Variants in ZNF532 observed in about 807,000 individuals in gnomAD.
The protein encoded by ZNF532 is zinc finger protein 532.
ZNF532 carries 22 observed loss-of-function variants against 89.3 expected under a neutral mutation model. The ratio of observed to expected loss-of-function variants is 0.25; its 90% CI spans 0.18 to 0.35. The LOEUF is 0.35. Ranked by LOEUF, ZNF532 falls within the 10% of genes least tolerant of loss-of-function variation. The probability of loss-of-function intolerance (pLI) is 1.00; values close to 1 mark genes in which losing one functional copy is unlikely to be tolerated. For synonymous variants in ZNF532, 606 were observed against 649.6 expected (o/e 0.93, Z 1.02); for missense variants, 1,132 against 1,643.4 (o/e 0.69, Z 5.38).
chr18:58,906,498 G>A (rs1267533637), intron 2 of ZNF532, among the ~76,000 whole-genome samples: 1 of 152,060 alleles, frequency 6.6e-6, no homozygotes, highest in African/African-American at 2.4e-5. Context: ...ATTGGTAGGT[G>A]CATTTCCTGC....
At chr18:58,965,099 A>T (rs1315311828) in intron 7 of ZNF532, among the ~76,000 whole-genome samples, 1 of 151,832 alleles carries the variant, frequency 6.6e-6, no homozygotes, top group African/African-American at 2.4e-5. Context: ...TAGTTTTCTG[A>T]AGTCCTCCAC....
chr18:58,979,411 G>A (rs992972777), intron 8 of ZNF532: 21 of 234,768 alleles, frequency 8.9e-5, no homozygotes, highest in Non-Finnish European at 6.7e-5. Context: ...TTCCCGAGAC[G>A]GAGTCTCACT....
chr18:58,981,671 C>T (rs1245952695), intron 9 of ZNF532, 54 bp downstream of exon 9: 4 of 1,601,576 alleles, frequency 2.5e-6, no homozygotes. Flanking sequence ...CTTGCTTTTC[C>T]CATTCATTTT....
intron 9 of ZNF532, among the ~76,000 whole-genome samples, chr18:58,982,303 T>C (rs2067888798): frequency 6.6e-6 from 1 of 151,836 alleles, no homozygotes; most frequent in Non-Finnish European, 1.5e-5. Context: ...GGACTTTTTT[T>C]GTTTTTTTGA....
chr18:58,885,570 T>C (rs1602623833), intron 2 of ZNF532, among the ~76,000 whole-genome samples: 1 of 152,232 alleles, frequency 6.6e-6, no homozygotes, highest in Admixed American at 6.5e-5. Flanking sequence ...AAGAATACAG[T>C]TGGACTGGGC....
intron 2 of ZNF532, among the ~76,000 whole-genome samples, chr18:58,888,715 ATATATATAT>A (rs1420562296): frequency 0.014 from 665 of 46,698 alleles, 26 homozygotes; most frequent in Admixed American, 0.02. Context: ...ATATATATAT[ATATATATAT>A]AAATTATATA....
At chr18:58,977,572 A>G (rs908524525) in intron 7 of ZNF532, 2 of 152,258 alleles carry the variant, frequency 1.3e-5, no homozygotes, top group African/African-American at 4.8e-5. Context: ...CAGTCTGGGC[A>G]TGGTGGCTCA....
In ZNF532 at chr18:58,867,760, C is replaced by G. The variant is rs528055417; in HGVS notation, c.-18+2181C>G. ...AAGAAAGTGTAACTGGGTGTTGAAC[C>G]CTTCTTGTTTTTATCCTTTGCCTAT... On this transcript the variant is annotated intron_variant, in intron 2 of 9. Transcript: ENST00000591808. Among the ~76,000 whole-genome samples the G allele has an allele frequency of 3.1e-3, 469 of 152,260 alleles. 3 individuals carry two copies. Among genetic ancestry groups the G allele is most frequent in the African/African-American group, 0.011 (444 of 41,542 alleles).
At chr18:58,888,256 A>G (rs1161842228) in intron 2 of ZNF532, among the ~76,000 whole-genome samples, 1 of 152,224 alleles carries the variant, frequency 6.6e-6, no homozygotes, top group Non-Finnish European at 1.5e-5. Flanking sequence ...GCAAACTGCA[A>G]ATCAGTCAAA....
intron 3 of ZNF532, among the ~76,000 whole-genome samples, chr18:58,929,524 T>C (rs1322149464): frequency 6.6e-6 from 1 of 152,362 alleles, no homozygotes; most frequent in South Asian, 2.1e-4. Context: ...TTGGTCCTGC[T>C]CTTCTAAGTG....
At chr18:58,958,518 C>G (rs1374889105) in intron 7 of ZNF532, among the ~76,000 whole-genome samples, 1 of 152,110 alleles carries the variant, frequency 6.6e-6, no homozygotes, top group Non-Finnish European at 1.5e-5. Context: ...TTTTAGCTGT[C>G]CTTGTAAATG....
chr18:58,912,584 G>A (rs1243968087), intron 2 of ZNF532, among the ~76,000 whole-genome samples: 1 of 152,124 alleles, frequency 6.6e-6, no homozygotes, highest in Non-Finnish European at 1.5e-5. Context: ...CCCTGTGGCC[G>A]GGGAGGAACC....
upstream of ZNF532, chr18:58,863,649 C>A (rs2056167719): frequency 7.2e-6 from 1 of 138,318 alleles, no homozygotes; most frequent in Non-Finnish European, 1.6e-5. Flanking sequence ...CAGCAGCAGC[C>A]ACAGCAGCAG....
chr18:58,951,970 G>A (rs1161598814), intron 6 of ZNF532, among the ~76,000 whole-genome samples: 1 of 152,142 alleles, frequency 6.6e-6, no homozygotes, highest in Non-Finnish European at 1.5e-5. Context: ...CCTTTTATGG[G>A]CCACTTTCAC....
At chr18:58,892,824 G>A (rs2058993093) in intron 2 of ZNF532, among the ~76,000 whole-genome samples, 1 of 152,184 alleles carries the variant, frequency 6.6e-6, no homozygotes, top group South Asian at 2.1e-4. Flanking sequence ...TCATACAAGA[G>A]AATTCAGTTT....
At chr18:58,884,020 T>C (rs2058107526) in intron 2 of ZNF532, among the ~76,000 whole-genome samples, 1 of 143,236 alleles carries the variant, frequency 7.0e-6, no homozygotes, top group Non-Finnish European at 1.5e-5. Flanking sequence ...CTCTTCCATG[T>C]TTTCTAATGC....
intron 9 of ZNF532, among the ~76,000 whole-genome samples, chr18:58,982,975 C>G (rs988010805): frequency 6.6e-6 from 1 of 151,944 alleles, no homozygotes; most frequent in Non-Finnish European, 1.5e-5. Flanking sequence ...AGCTGGACAT[C>G]GTGGTGCACA....
At position 58,920,208 on chromosome 18, in the gene ZNF532, C is replaced by T. The variant is rs1260972293; in HGVS notation, c.1921C>T (p.Arg641Cys). 18 of 1,613,458 alleles carry T rather than the reference C, an allele frequency of 1.1e-5. No homozygotes were observed. Among genetic ancestry groups the T allele is most frequent in the Admixed American group, 6.7e-5 (4 of 59,992 alleles). Residue 641 changes from arginine to cysteine, a missense_variant, in exon 3 of 10, where the codon CGC becomes TGC. Arg to Cys is a radical substitution (Grantham distance 180, BLOSUM62 -3). Around this residue, in one of 9 missense-constraint regions of ZNF532, gnomAD observed 70 missense variants for 152.1 expected, o/e 0.46. Transcript: ENST00000591808. The part of the protein sequence containing the change: ...LTQHYDRRSV[R>C]IEVTCNHCTK... ...CCAGCACTACGACAGACGGAGCGTG[C>T]GCATCGAAGTAACGTGCAACCATTG...
At chr18:58,925,179 T>C (rs768157764) in intron 3 of ZNF532, among the ~76,000 whole-genome samples, 1 of 152,196 alleles carries the variant, frequency 6.6e-6, no homozygotes, top group Non-Finnish European at 1.5e-5. Context: ...TATTTGCACG[T>C]TTAGACTCTT....
Sources: allele counts gnomAD v4.1 joint callset (sites outside exome capture counted in the v4.1 genomes callset), GRCh38; gene constraint gnomAD v4.1.1; regional missense constraint gnomAD v4.1.1; transcripts MANE v1.5; gene names NCBI Gene and HGNC (gene_info 2026-07-23, HGNC 2026-07-21).